Variants in ACE observed in about 807,000 individuals in gnomAD.
ACE encodes the protein angiotensin I converting enzyme.
A neutral mutation model predicts 162.3 loss-of-function variants in ACE; 122 were observed. The ratio of observed to expected loss-of-function variants is 0.75; its 90% CI spans 0.65 to 0.87. ACE has a LOEUF of 0.87. ACE is among the 40% of genes least tolerant of loss of function. The pLI is 0.00. For missense variants in ACE, 1,799 were observed against 1,735.1 expected, an observed-to-expected ratio of 1.04 and a Z score of -0.65; for synonymous variants, 796 against 720.6, an observed-to-expected ratio of 1.10 and a Z score of -1.68.
intron 17 of ACE, 145 bp downstream of exon 17, chr17:63,489,277 G>C: frequency 3.9e-6 from 4 of 1,029,662 alleles, no homozygotes; most frequent in Non-Finnish European, 5.6e-6. Flanking sequence ...AGGCTGGAGG[G>C]GGGTGGGCGC....
rs558182508 is a variant in ACE, at chr17:63,492,750, G to A, written c.2913-686G>A. Among the ~76,000 whole-genome samples the A allele has an allele frequency of 1.6e-4, 24 of 152,326 alleles. No homozygotes were observed. The South Asian group carries it at 2.1e-3, about 13-fold the overall frequency. On this transcript the variant is annotated intron_variant, in intron 19 of 24. Coordinates refer to ENST00000290866, the MANE Select transcript of ACE (RefSeq NM_000789.4). ...TAAACAACAAGGAAGGGCTGGGTGCGGTGGCTCACACCTGTAATCTCAGCA... is the reference window on the plus strand; with the variant it reads ...TAAACAACAAGGAAGGGCTGGGTGCAGTGGCTCACACCTGTAATCTCAGCA...
In ACE at chr17:63,490,939, C is replaced by A; in HGVS notation, c.2642-15C>A. ...TGTCTTTCCTCTCTCTGCCGTCCCC[C>A]ACACTCGCCTCCAGGGAACATGTGG... On this transcript the variant is annotated splice_polypyrimidine_tract_variant and intron_variant, in intron 17 of 24. Coordinates refer to ENST00000290866, the MANE Select transcript of ACE (RefSeq NM_000789.4). The A allele has an allele frequency of 6.2e-7, 1 of 1,613,584 alleles. No homozygotes were observed. Among genetic ancestry groups the A allele is most frequent in the South Asian group, 1.1e-5 (1 of 91,084 alleles).
chr17:63,477,099 G>A lies in ACE; in HGVS notation c.5G>A (p.Gly2Glu), dbSNP rs558593002. The change falls in exon 1 of 25, where the codon GGG becomes GAG. Residue 2 changes from glycine (G) to glutamate (E), a missense_variant. Coordinates refer to ENST00000290866, the MANE Select transcript of ACE (RefSeq NM_000789.4). ...CCGAGCACCGCGCACCGCGTCATGG[G>A]GGCCGCCTCGGGCCGCCGGGGGCCG... M[G>E]AASGRRGPGL... 8 of 1,309,738 alleles carry A rather than the reference G, an allele frequency of 6.1e-6. No individual in the cohort carries two copies. The Admixed American group carries it at 3.4e-4, about 55-fold the overall frequency. The allele number at this position is 1,309,738 out of a possible 1,614,324, so 81.1% of individuals were successfully genotyped here.
At chr17:63,495,286 G>A (rs2030658957) in intron 22 of ACE, among the ~76,000 whole-genome samples, 1 of 152,136 alleles carries the variant, frequency 6.6e-6, no homozygotes, top group African/African-American at 2.4e-5. Flanking sequence ...TTGTGATCCG[G>A]GAGGCTCCCT....
rs3730042 is a variant in ACE, at chr17:63,491,157, C to G, written c.2740-52C>G. On this transcript the variant is annotated intron_variant, in intron 18 of 24. Coordinates refer to ENST00000290866, the MANE Select transcript of ACE (RefSeq NM_000789.4). The surrounding 1 kb of genome is among the most constrained non-coding windows in gnomAD (Gnocchi z 4.4). ...CTCCCCCGGGATCCCCACGGCAGCA[C>G]GCAGTCTGTCCCCGGAACCCCCAGT... 2.5e-6 allele frequency: 4 copies of G among 1,611,486 alleles called. No individual in the cohort carries two copies. The highest frequency in any genetic ancestry group is 3.4e-6 in the Non-Finnish European group (4 of 1,178,580).
At chr17:63,487,717 C>G (rs1440175613) in intron 15 of ACE, among the ~76,000 whole-genome samples, 1 of 152,174 alleles carries the variant, frequency 6.6e-6, no homozygotes, top group Non-Finnish European at 1.5e-5. Context: ...CAGATACCTC[C>G]CAGCTCCCTC....
intron 1 of ACE, 98 bp downstream of exon 1, chr17:63,477,441 C>G (rs2049635894): frequency 1.0e-6 from 1 of 997,498 alleles, no homozygotes; most frequent in East Asian, 5.1e-5. Flanking sequence ...GCCCCCGACC[C>G]GAACCCCACC....
intron 6 of ACE, 109 bp from the exon 7 acceptor site, chr17:63,481,457 C>T (rs577425790): frequency 3.9e-5 from 49 of 1,257,986 alleles, no homozygotes; most frequent in Non-Finnish European, 4.0e-5. Flanking sequence ...GGCCACAGAG[C>T]AGAGAAGCTT....
chr17:63,493,866 C>G (rs994576226), intron 20 of ACE, 56 bp from the exon 21 acceptor site: 5 of 1,613,522 alleles, frequency 3.1e-6, no homozygotes, highest in African/African-American at 1.3e-5. Context: ...CACAGGCACA[C>G]CAGGGCCAAG....
In ACE at chr17:63,491,882, G is replaced by C. The variant is rs1033313031; in HGVS notation, c.2912+501G>C. Among the ~76,000 whole-genome samples the C allele has an allele frequency of 4.1e-4, 63 of 152,222 alleles. No homozygotes were observed. Among genetic ancestry groups the C allele is most frequent in the African/African-American group, 1.5e-3 (63 of 41,464 alleles). Reference sequence around the variant, plus strand: ...CCTTACGAAACAACCAGTTGATTTTGCTTATGATTTTATGTGCCAGGAATT... The same window carrying C: ...CCTTACGAAACAACCAGTTGATTTTCCTTATGATTTTATGTGCCAGGAATT... On this transcript the variant is annotated intron_variant, in intron 19 of 24. Transcript: ENST00000290866. This position sits in a 1 kb window ranked among gnomAD's most constrained non-coding sequence, Gnocchi z 4.4.
intron 16 of ACE, 58 bp from the exon 17 acceptor site, chr17:63,488,883 T>A: frequency 1.2e-6 from 2 of 1,613,686 alleles, no homozygotes; most frequent in East Asian, 2.2e-5. Flanking sequence ...AAAAGGTAGA[T>A]CCCTGGAGGA....
intron 6 of ACE, 114 bp downstream of exon 6, chr17:63,481,302 T>G (rs1192698639): frequency 1.9e-6 from 2 of 1,051,086 alleles, no homozygotes; most frequent in African/African-American, 3.1e-5. Context: ...AGCAGCCTGG[T>G]GTGTCTGTAG....
chr17:63,483,567 G>GCGGGGGGCCCCCCCC lies in ACE; in HGVS notation c.1586+10_1586+11insGGGGGGCCCCCCCCC. On this transcript the variant is annotated intron_variant, in intron 10 of 24. Transcript: ENST00000290866. ...GTGACACCATACATCAGGTATTAGC[G>GCGGGGGGCCCCCCCC]CCCCCACCCCACCCACCCCCAGTAC... 2 of 1,589,370 alleles carry GCGGGGGGCCCCCCCC rather than the reference G, an allele frequency of 1.3e-6. No individual in the cohort carries two copies. Among genetic ancestry groups the GCGGGGGGCCCCCCCC allele is most frequent in the Non-Finnish European group, 1.7e-6 (2 of 1,165,548 alleles).
At chr17:63,486,457 T>C (rs1186770844) in intron 13 of ACE, 100 bp from the exon 14 acceptor site, 3 of 1,366,818 alleles carry the variant, frequency 2.2e-6, no homozygotes, top group Non-Finnish European at 3.1e-6. Context: ...CACTGCCCCC[T>C]CACCACCACC....
In ACE at chr17:63,497,467, C is replaced by G; in HGVS notation, c.*101C>G. On this transcript the variant is annotated 3_prime_UTR_variant, in exon 25 of 25. Coordinates refer to ENST00000290866, the MANE Select transcript of ACE (RefSeq NM_000789.4). ...GGACACACCCCACACCCCAGCCCACCCTGCTCCTCCTGCCCTGTCCCTGTC... is the reference window on the plus strand; with the variant it reads ...GGACACACCCCACACCCCAGCCCACGCTGCTCCTCCTGCCCTGTCCCTGTC... The G allele has an allele frequency of 9.5e-7, 1 of 1,047,430 alleles. No individual in the cohort carries two copies. Among genetic ancestry groups the G allele is most frequent in the South Asian group, 1.4e-5 (1 of 73,816 alleles). The allele number at this position is 1,047,430 out of a possible 1,614,324, so 64.9% of individuals were successfully genotyped here. A position where few individuals can be genotyped will look rare whatever the true frequency, so the allele number is the denominator to read the frequency against.
chr17:63,497,060 C>G, intron 24 of ACE, 75 bp downstream of exon 24: 1 of 1,586,008 alleles, frequency 6.3e-7, no homozygotes, highest in Non-Finnish European at 8.6e-7. Flanking sequence ...CGGCTGACCT[C>G]GGAGCCTGGC....
At chr17:63,492,479 G>A (rs1457266404) in intron 19 of ACE, among the ~76,000 whole-genome samples, 1 of 152,256 alleles carries the variant, frequency 6.6e-6, no homozygotes, top group Non-Finnish European at 1.5e-5. Flanking sequence ...GGCCCTTCCA[G>A]GCATGAGGAC....
chr17:63,478,183 G>T, intron 2 of ACE, 85 bp downstream of exon 2: 1 of 1,509,264 alleles, frequency 6.6e-7, no homozygotes. Context: ...CATCAGGGAG[G>T]GAGGAACCCT....
chr17:63,485,792 A>AC, intron 13 of ACE: 2 of 236,592 alleles, frequency 8.5e-6, no homozygotes, highest in East Asian at 1.1e-4. Flanking sequence ...AAAAAAAAAA[A>AC]CTCAATTTCA....
Sources: gnomAD v4.1 joint callset for allele counts (sites outside exome capture counted in the v4.1 genomes callset) on GRCh38, gnomAD v4.1.1 for gene constraint, Gnocchi (gnomAD v3.1) non-coding constraint, MANE v1.5 for transcripts, NCBI Gene and HGNC (gene_info 2026-07-23, HGNC 2026-07-21) for gene names.